Variants in NRG1 observed in about 807,000 individuals in gnomAD.
NRG1 encodes neuregulin 1, also known as pro-neuregulin-1, membrane-bound isoform.
In NRG1, 18 loss-of-function variants were observed where a neutral mutation model predicts 63.8. That is an observed-to-expected ratio of 0.28 (90% confidence interval 0.19 to 0.42). The LOEUF (loss-of-function observed/expected upper bound fraction) is 0.42, where lower values mean the gene tolerates loss of function less well. NRG1 is among the 10% of genes least tolerant of loss of function. The probability of loss-of-function intolerance (pLI) is 1.00; values close to 1 mark genes in which losing one functional copy is unlikely to be tolerated. For missense variants in NRG1, 762 were observed against 814.7 expected (o/e 0.94, Z 0.79); for synonymous variants, 302 against 301.3 (o/e 1.00, Z -0.02).
intron 1 of NRG1, among the ~76,000 whole-genome samples, chr8:31,941,065 C>A (rs1464145216): frequency 8.3e-6 from 1 of 119,810 alleles, no homozygotes; most frequent in Non-Finnish European, 1.7e-5. Flanking sequence ...GCCAGTATCA[C>A]CCTAATGCCA....
At chr8:31,700,882 G>A (rs1046382151) in intron 1 of NRG1, among the ~76,000 whole-genome samples, 4 of 152,178 alleles carry the variant, frequency 2.6e-5, no homozygotes, top group Non-Finnish European at 2.9e-5. Context: ...AGTAACTAGA[G>A]CAAGAGTAGA....
At chr8:32,043,855 A>C (rs1820490016) in intron 1 of NRG1, among the ~76,000 whole-genome samples, 1 of 151,952 alleles carries the variant, frequency 6.6e-6, no homozygotes, top group Non-Finnish European at 1.5e-5. Context: ...TAATCCAATA[A>C]CACAAAATAA....
chr8:31,679,159 C>T (rs1585610758), intron 1 of NRG1, among the ~76,000 whole-genome samples: 1 of 151,940 alleles, frequency 6.6e-6, no homozygotes, highest in Middle Eastern at 3.4e-3. Context: ...GTTTCCTTTC[C>T]TCCCTCAGTT....
At chr8:32,713,453 C>A (rs981747769) in intron 5 of NRG1, among the ~76,000 whole-genome samples, 1 of 151,960 alleles carries the variant, frequency 6.6e-6, no homozygotes, top group African/African-American at 2.4e-5. Flanking sequence ...CATCCTAGAC[C>A]TTCCTAATTG....
At chr8:32,264,262 A>G (rs565170734) in intron 1 of NRG1, among the ~76,000 whole-genome samples, 5 of 152,268 alleles carry the variant, frequency 3.3e-5, no homozygotes, top group Admixed American at 2.6e-4. Context: ...TTGTCTGTCA[A>G]TCCTTCTTGA....
intron 6 of NRG1, among the ~76,000 whole-genome samples, chr8:32,735,165 T>C (rs2129028315): frequency 6.6e-6 from 1 of 152,030 alleles, no homozygotes; most frequent in Non-Finnish European, 1.5e-5. Context: ...AAATATTTCA[T>C]TGTGTATATA....
At chr8:32,183,720 G>T (rs548268591) in intron 1 of NRG1, among the ~76,000 whole-genome samples, 1 of 152,288 alleles carries the variant, frequency 6.6e-6, no homozygotes, top group East Asian at 1.9e-4. Context: ...TGGGATAGGA[G>T]TGCCCATCCT....
intron 1 of NRG1, among the ~76,000 whole-genome samples, chr8:31,730,125 G>A (rs991162193): frequency 2.0e-5 from 3 of 152,124 alleles, no homozygotes; most frequent in African/African-American, 7.2e-5. Context: ...CAACATTCTT[G>A]TGGTTTGATT....
intron 1 of NRG1, among the ~76,000 whole-genome samples, chr8:32,445,649 T>C (rs937400509): frequency 7.2e-5 from 11 of 152,162 alleles, no homozygotes; most frequent in African/African-American, 2.7e-4. Context: ...CTCTCTTCTC[T>C]TTTCTTTAAT....
At chr8:32,337,352 G>C (rs189449096) in intron 1 of NRG1, among the ~76,000 whole-genome samples, 1 of 152,024 alleles carries the variant, frequency 6.6e-6, no homozygotes, top group Admixed American at 6.6e-5. Flanking sequence ...ATGACCAGGT[G>C]GGGTAGCAGA....
chr8:32,056,535 G>T (rs1314435426), intron 1 of NRG1, among the ~76,000 whole-genome samples: 3 of 152,010 alleles, frequency 2.0e-5, no homozygotes, highest in Non-Finnish European at 4.4e-5. Context: ...TCCAGCCCTA[G>T]AATTACTCCC....
At chr8:31,698,990 A>G (rs1056387863) in intron 1 of NRG1, among the ~76,000 whole-genome samples, 2 of 152,210 alleles carry the variant, frequency 1.3e-5, no homozygotes, top group Non-Finnish European at 2.9e-5. Flanking sequence ...ATGTGGAAAA[A>G]TCAGTCTTCT....
intron 1 of NRG1, among the ~76,000 whole-genome samples, chr8:32,414,028 C>A (rs556354057): frequency 6.6e-6 from 1 of 151,488 alleles, no homozygotes; most frequent in Admixed American, 6.6e-5. Context: ...ATTTATAAAT[C>A]CTGAAGGTTC....
At chr8:31,664,150 C>T (rs563716203) in intron 1 of NRG1, among the ~76,000 whole-genome samples, 5 of 152,290 alleles carry the variant, frequency 3.3e-5, no homozygotes, top group East Asian at 3.9e-4. Flanking sequence ...ACCCTCTTCA[C>T]GGTTCCCCTC....
intron 5 of NRG1, among the ~76,000 whole-genome samples, chr8:32,687,304 G>A (rs1290829738): frequency 6.6e-6 from 1 of 152,156 alleles, no homozygotes; most frequent in Non-Finnish European, 1.5e-5. Flanking sequence ...GAGGAAGGTG[G>A]GTGACTAGAT....
At position 32,728,119 on chromosome 8, in the gene NRG1, CCTT is replaced by C. The variant is rs796708229; in HGVS notation, c.632+42_632+44del. On this transcript the variant is annotated intron_variant, in intron 6 of 11. Coordinates refer to ENST00000356819, the Ensembl canonical transcript of NRG1. ...CTGTGTGTCGCTTATGTCTATAACT[CCTT>C]GTTTCAGATGATTCTATGTCTCATG... is the stretch of plus-strand genomic sequence containing the variant. 9 of 1,608,636 alleles carry C rather than the reference CCTT, an allele frequency of 5.6e-6. No homozygotes were observed. In the African/African-American group the frequency reaches 1.2e-4, roughly 22 times the overall value.
chr8:31,680,429 A>G (rs1488673092), intron 1 of NRG1, among the ~76,000 whole-genome samples: 1 of 152,002 alleles, frequency 6.6e-6, no homozygotes, highest in Non-Finnish European at 1.5e-5. Context: ...ACTGAGAATG[A>G]TGACTTCCAA....
rs35064563 is a variant in NRG1, at chr8:32,566,342, C to CA, written c.100+17533dup. On this transcript the variant is annotated intron_variant, in intron 1 of 11. Coordinates refer to ENST00000356819, the Ensembl canonical transcript of NRG1. Reference sequence around the variant, plus strand: ...ACTTCACTCCAGCCACAGAACATCTCAAAAAAAAAAAAAAAAAGACAGCAT... The same window carrying CA: ...ACTTCACTCCAGCCACAGAACATCTCAAAAAAAAAAAAAAAAAAGACAGCAT... 3.1e-3 allele frequency among the ~76,000 whole-genome samples: 313 copies of CA among 102,616 alleles called. 4 individuals are homozygous for CA. Among genetic ancestry groups the CA allele is most frequent in the Middle Eastern group, 0.012 (2 of 164 alleles). The allele number at this position is 102,616 out of a possible 152,430, so 67.3% of individuals were successfully genotyped here.
At chr8:31,932,578 T>C (rs1834955715) in intron 1 of NRG1, among the ~76,000 whole-genome samples, 1 of 152,208 alleles carries the variant, frequency 6.6e-6, no homozygotes, top group Admixed American at 6.5e-5. Flanking sequence ...TCTTGTATTT[T>C]CTCTGGTCTT....
Sources: allele counts gnomAD v4.1 joint callset (sites outside exome capture counted in the v4.1 genomes callset), GRCh38; gene constraint gnomAD v4.1.1; transcripts MANE v1.5; gene names NCBI Gene and HGNC (gene_info 2026-07-23, HGNC 2026-07-21).